Variants in ZNF3 observed in about 807,000 individuals in gnomAD.
The protein encoded by ZNF3 is zinc finger protein 3.
In ZNF3, 16 loss-of-function variants were observed where a neutral mutation model predicts 36.9. The ratio of observed to expected loss-of-function variants is 0.43; its 90% CI spans 0.29 to 0.66. The LOEUF is 0.66. Among genes scored for constraint, ZNF3 ranks in the 30% least tolerant of loss-of-function variants. ZNF3 has a pLI of 0.13. For missense variants in ZNF3, 462 were observed against 543.1 expected (o/e 0.85, Z 1.48); for synonymous variants, 201 against 201.9 (o/e 1.00, Z 0.04).
At chr7:100,080,027 T>C (rs565431670) in intron 1 of ZNF3, among the ~76,000 whole-genome samples, 1 of 151,786 alleles carries the variant, frequency 6.6e-6, no homozygotes, top group Admixed American at 6.6e-5. Context: ...AATCAAGACA[T>C]TTAAAGAAAA....
intron 5 of ZNF3, among the ~76,000 whole-genome samples, chr7:100,073,820 GTC>G (rs1455335077): frequency 2.6e-5 from 4 of 152,036 alleles, no homozygotes; most frequent in African/African-American, 9.6e-5. Context: ...CTTCGGAAAA[GTC>G]TCTGGATTAT....
chr7:100,078,009 T>C (rs1794393468), intron 2 of ZNF3, among the ~76,000 whole-genome samples: 2 of 151,676 alleles, frequency 1.3e-5, no homozygotes, highest in African/African-American at 4.8e-5. Flanking sequence ...GGATTACAGG[T>C]GTGAGCCACC....
intron 3 of ZNF3, among the ~76,000 whole-genome samples, chr7:100,076,784 C>T (rs1030558380): frequency 6.6e-6 from 1 of 152,134 alleles, no homozygotes. Flanking sequence ...GTACTCACAA[C>T]CCCTCAAAAC....
At chr7:100,081,964 A>C (rs1335037464), upstream of ZNF3, among the ~76,000 whole-genome samples, 2 of 152,116 alleles carry the variant, frequency 1.3e-5, no homozygotes, top group Non-Finnish European at 2.9e-5. The surrounding 1 kb of genome is among the most constrained non-coding windows in gnomAD (Gnocchi z 4.3). Context: ...GAATGTGCGA[A>C]AGCGGCCGAC....
At chr7:100,076,165 G>A (rs988436079) in intron 3 of ZNF3, among the ~76,000 whole-genome samples, 22 of 150,790 alleles carry the variant, frequency 1.5e-4, no homozygotes, top group African/African-American at 5.1e-4. Flanking sequence ...AGAAAAACCA[G>A]CAGCTTCACC....
Position 100,071,014 on chromosome 7 carries a change from C to T in ZNF3, c.*129G>A, listed in dbSNP as rs1793041675. 1.3e-6 allele frequency: 2 copies of T among 1,484,650 alleles called. No homozygotes were observed. Among genetic ancestry groups the T allele is most frequent in the African/African-American group, 2.8e-5 (2 of 71,296 alleles). 92.0% of individuals were successfully genotyped at this position (1,484,650 alleles called of 1,614,324 possible). A position where few individuals can be genotyped will look rare whatever the true frequency, so the allele number is the denominator to read the frequency against. ...TCTGGGAAAATTCAACGATTTGCCC[C>T]ATCTGCCCCATTCTCTAAAATGAAA... is the stretch of plus-strand genomic sequence containing the variant. On this transcript the variant is annotated 3_prime_UTR_variant, in exon 6 of 6. Transcript: ENST00000299667.
chr7:100,078,495 CAAAA>C (rs532938420), intron 2 of ZNF3, among the ~76,000 whole-genome samples: 5 of 88,910 alleles, frequency 5.6e-5, no homozygotes, highest in Admixed American at 2.6e-4. Context: ...GACTCTGCCT[CAAAA>C]AAAAAAAAAA....
intron 5 of ZNF3, among the ~76,000 whole-genome samples, chr7:100,074,379 T>C (rs1294196096): frequency 6.6e-6 from 1 of 152,124 alleles, no homozygotes; most frequent in Non-Finnish European, 1.5e-5. Context: ...CAAGTGATCC[T>C]CCAACCTCAG....
At position 100,070,930 on chromosome 7, in the gene ZNF3, G is replaced by T; in HGVS notation, c.*213C>A. On this transcript the variant is annotated 3_prime_UTR_variant, in exon 6 of 6. Transcript: ENST00000299667. ...AAATGGGGTAACTGGTCCCAGAGCTGCTTTCTATTCCCAGCACGCCATCCA... is the reference window on the plus strand; with the variant it reads ...AAATGGGGTAACTGGTCCCAGAGCTTCTTTCTATTCCCAGCACGCCATCCA... 7.4e-7 allele frequency: 1 copy of T among 1,354,660 alleles called. No homozygotes were observed. The highest frequency in any genetic ancestry group is 2.7e-5 in the East Asian group (1 of 36,528). The allele number at this position is 1,354,660 out of a possible 1,614,324, so 83.9% of individuals were successfully genotyped here. A position where few individuals can be genotyped will look rare whatever the true frequency, so the allele number is the denominator to read the frequency against.
At chr7:100,072,562 A>G (rs1338867326) in intron 5 of ZNF3, among the ~76,000 whole-genome samples, 6 of 152,192 alleles carry the variant, frequency 3.9e-5, no homozygotes, top group African/African-American at 1.2e-4. Context: ...GGCAGTGGAT[A>G]TAACTGGGGA....
chr7:100,072,001 C>T lies in ZNF3; in HGVS notation c.483G>A (p.Glu161=). The change falls in exon 6 of 6, where the codon GAG becomes GAA. Residue 161 remains glutamate, a synonymous_variant. Transcript: ENST00000299667. ...KMPDFGQVTV[E]EKLTPRGERS... is the part of the protein sequence containing the mutation. Reference sequence around the variant, plus strand: ...TCTCTCCCCTGGGGGTTAGCTTCTCCTCAACTGTCACTTGACCAAAATCTG... The same window carrying T: ...TCTCTCCCCTGGGGGTTAGCTTCTCTTCAACTGTCACTTGACCAAAATCTG... 6.2e-7 allele frequency: 1 copy of T among 1,613,618 alleles called. No homozygotes were observed. Among genetic ancestry groups the T allele is most frequent in the African/African-American group, 1.3e-5 (1 of 75,006 alleles).
chr7:100,064,124 G>C (rs146727563), exon 6 of ZNF3: 1 of 1,614,194 alleles, frequency 6.2e-7, no homozygotes, highest in South Asian at 1.1e-5. Flanking sequence ...TGCACCAAGT[G>C]TGGGAAAGCT....
At chr7:100,075,667 C>T (rs1192451985) in intron 3 of ZNF3, 37 bp from the exon 4 acceptor site, 1 of 1,605,258 alleles carries the variant, frequency 6.2e-7, no homozygotes, top group Non-Finnish European at 8.5e-7. Flanking sequence ...ATGAGTCCAT[C>T]TGCTCTGTGA....
At position 100,077,308 on chromosome 7, in the gene ZNF3, T is replaced by C; in HGVS notation, c.50A>G (p.Asp17Gly). ...AATGAGTCCTTATTCCTCACCACTG[T>C]CAAGCAGGGCCTGAGGTTCCTGAGA... ...LVSQEPQALL[D>G]SALPSKVPAF... Residue 17 changes from aspartate (D) to glycine (G), a missense_variant, in exon 3 of 6, where the codon GAC (aspartate) becomes GGC (glycine). Asp to Gly is a moderately conservative substitution (Grantham distance 94). Coordinates refer to ENST00000299667, the MANE Select transcript of ZNF3 (RefSeq NM_032924.5). 6.2e-7 allele frequency: 1 copy of C among 1,613,894 alleles called. No homozygotes were observed. The highest frequency in any genetic ancestry group is 1.1e-5 in the South Asian group (1 of 91,076).
chr7:100,078,995 G>C (rs1794583680), intron 2 of ZNF3: 1 of 152,236 alleles, frequency 6.6e-6, no homozygotes, highest in African/African-American at 2.4e-5. Context: ...GGGCAACTCT[G>C]GTCTTCGGGT....
intron 2 of ZNF3, among the ~76,000 whole-genome samples, chr7:100,078,481 C>A (rs1392637205): frequency 7.1e-6 from 1 of 140,054 alleles, no homozygotes; most frequent in Non-Finnish European, 1.5e-5. Context: ...GGGCAATAGA[C>A]AGAGACTCTG....
rs780426737 is a variant in ZNF3 at position 100,075,569 on chromosome 7, C to T, written c.117G>A (p.Ala39=). The part of the protein sequence containing the change: ...DKDSLGDEML[A]AALLKAKSQE... ...GGGACTTGGCCTTTAGGAGCGCAGC[C>T]GCCAACATCTCATCCCCCAGGCTGT... Residue 39 remains alanine (A), a synonymous_variant, in exon 4 of 6, where the codon GCG becomes GCA. Transcript: ENST00000299667. 150 of 1,614,002 alleles carry T rather than the reference C, an allele frequency of 9.3e-5. No homozygotes were observed. Among genetic ancestry groups the T allele is most frequent in the East Asian group, 7.3e-4 (33 of 44,898 alleles).
intron 5 of ZNF3, 43 bp downstream of exon 5, chr7:100,075,092 A>G (rs965316561): frequency 1.3e-6 from 2 of 1,550,378 alleles, no homozygotes; most frequent in Non-Finnish European, 1.7e-6. Flanking sequence ...CGAAGAAGCA[A>G]AGAAACACCA....
Position 100,075,564 on chromosome 7 carries a change from G to C in ZNF3, c.122C>G (p.Ala41Gly). Residue 41 changes from alanine to glycine, a missense_variant, in exon 4 of 6, where the codon GCG becomes GGG. Ala to Gly is a moderately conservative substitution (Grantham distance 60). Transcript: ENST00000299667. ...DSLGDEMLAA[A>G]LLKAKSQELV... ...CACCTGGGACTTGGCCTTTAGGAGC[G>C]CAGCCGCCAACATCTCATCCCCCAG... The C allele has an allele frequency of 6.2e-7, 1 of 1,614,086 alleles. No individual in the cohort carries two copies. Among genetic ancestry groups the C allele is most frequent in the South Asian group, 1.1e-5 (1 of 91,076 alleles).
Sources: allele counts gnomAD v4.1 joint callset (sites outside exome capture counted in the v4.1 genomes callset), GRCh38; gene constraint gnomAD v4.1.1; non-coding constraint Gnocchi (gnomAD v3.1); transcripts MANE v1.5; gene names NCBI Gene and HGNC (gene_info 2026-07-23, HGNC 2026-07-21).